ITCH: variants seen among roughly 807,000 people sequenced by gnomAD.
The protein encoded by ITCH is E3 ubiquitin-protein ligase Itchy homolog.
ITCH carries 28 observed loss-of-function variants against 126.8 expected under a neutral mutation model. That is an observed-to-expected ratio of 0.22 (90% CI 0.16 to 0.30). ITCH has a LOEUF of 0.30. ITCH is among the 10% of genes least tolerant of loss of function. ITCH has a pLI of 1.00. For missense variants in ITCH, 631 were observed against 1,032.4 expected, an observed-to-expected ratio of 0.61 and a Z score of 5.33; for synonymous variants, 342 against 340.0, an observed-to-expected ratio of 1.01 and a Z score of -0.06.
At chr20:34,413,492 A>G (rs975394414) in intron 5 of ITCH, among the ~76,000 whole-genome samples, 9 of 152,214 alleles carry the variant, frequency 5.9e-5, no homozygotes, top group Non-Finnish European at 8.8e-5. Flanking sequence ...TGGAATGAAC[A>G]TAATAAACGA....
intron 20 of ITCH, among the ~76,000 whole-genome samples, chr20:34,485,855 TG>T (rs1413193395): frequency 3.3e-5 from 5 of 152,148 alleles, no homozygotes; most frequent in African/African-American, 1.2e-4. Context: ...GCAAATTTTT[TG>T]GTTGTTTTTA....
intron 2 of ITCH, among the ~76,000 whole-genome samples, chr20:34,391,893 ATTAATG>A (rs2038502765): frequency 1.3e-5 from 2 of 152,042 alleles, no homozygotes; most frequent in East Asian, 1.9e-4. Flanking sequence ...CAACTTTGTA[ATTAATG>A]TTAATTTATA....
intron 2 of ITCH, among the ~76,000 whole-genome samples, chr20:34,383,383 T>C (rs1382566284): frequency 8.4e-6 from 1 of 119,454 alleles, no homozygotes; most frequent in Admixed American, 9.1e-5. Flanking sequence ...TTTTTTTTTT[T>C]GAGACAGAGT....
rs575491463 is a variant in ITCH at position 34,474,676 on chromosome 20, G to A, written c.1570-3096G>A. Among the ~76,000 whole-genome samples the A allele has an allele frequency of 7.2e-5, 11 of 152,310 alleles. No homozygotes were observed. The South Asian group carries it at 2.1e-3, about 29-fold the overall frequency. ...CATGGCCCGTTCTCAATGAGCTGTT[G>A]GGTACACCTCCCAGACGGGGTGGTG... On this transcript the variant is annotated intron_variant, in intron 16 of 24. Transcript: ENST00000374864.
At chr20:34,449,604 G>GT (rs978753928) in intron 12 of ITCH, 124 bp downstream of exon 12, 467 of 681,366 alleles carry the variant, frequency 6.9e-4, no homozygotes, top group Admixed American at 9.4e-4. Context: ...TGTCTGGGAA[G>GT]TTTTTTTTTA....
Position 34,509,900 on chromosome 20 carries a change from T to C in ITCH, c.*2106T>C, listed in dbSNP as rs1978583881. The C allele has an allele frequency of 6.0e-5, 8 of 133,352 alleles. No individual in the cohort carries two copies. The highest frequency in any genetic ancestry group is 5.8e-4 in the Admixed American group (8 of 13,742). 8.3% of individuals were successfully genotyped at this position (133,352 alleles called of 1,614,324 possible). On this transcript the variant is annotated 3_prime_UTR_variant, in exon 25 of 25. Transcript: ENST00000374864. Reference sequence around the variant, plus strand: ...TTTATGAAATTAAATTAAGAGATAATGTAAGAAAATACATTTTTTTGGTTC... The same window carrying C: ...TTTATGAAATTAAATTAAGAGATAACGTAAGAAAATACATTTTTTTGGTTC...
chr20:34,477,322 G>A (rs1277544299), intron 16 of ITCH, among the ~76,000 whole-genome samples: 5 of 152,180 alleles, frequency 3.3e-5, no homozygotes, highest in South Asian at 2.1e-4. Context: ...CCTGAGGTCA[G>A]GAGTTTGAGA....
chr20:34,475,479 C>A (rs1224710509), intron 16 of ITCH, among the ~76,000 whole-genome samples: 1 of 152,170 alleles, frequency 6.6e-6, no homozygotes, highest in Non-Finnish European at 1.5e-5. Context: ...ACATCGAAAT[C>A]CCGTCTCCAC....
intron 16 of ITCH, among the ~76,000 whole-genome samples, chr20:34,477,291 G>A (rs527348881): frequency 2.0e-5 from 3 of 152,328 alleles, no homozygotes; most frequent in South Asian, 2.1e-4. Context: ...AGCACTTTGG[G>A]AGGCCAAGGC....
At chr20:34,408,409 C>G (rs1184831549) in intron 3 of ITCH, among the ~76,000 whole-genome samples, 1 of 152,086 alleles carries the variant, frequency 6.6e-6, no homozygotes, top group African/African-American at 2.4e-5. Flanking sequence ...GAGTTCTGGA[C>G]TTTTGATACC....
chr20:34,489,473 T>G, intron 21 of ITCH, 87 bp downstream of exon 21: 1 of 1,290,078 alleles, frequency 7.8e-7, no homozygotes, highest in Non-Finnish European at 1.1e-6. Context: ...CCATCTTTCC[T>G]GTTACTGTAA....
intron 12 of ITCH, among the ~76,000 whole-genome samples, chr20:34,453,823 G>A (rs1417375422): frequency 6.6e-6 from 1 of 151,898 alleles, no homozygotes; most frequent in African/African-American, 2.4e-5. Flanking sequence ...GTGAAATGCT[G>A]TCTCCACAAA....
intron 9 of ITCH, among the ~76,000 whole-genome samples, 173 bp downstream of exon 9, chr20:34,440,517 T>C (rs1983612726): frequency 6.6e-6 from 1 of 152,074 alleles, no homozygotes; most frequent in Admixed American, 6.6e-5. Flanking sequence ...AGTGCAGTGG[T>C]GTGATCTTGG....
intron 14 of ITCH, among the ~76,000 whole-genome samples, chr20:34,468,314 G>C (rs897690467): frequency 6.6e-6 from 1 of 151,520 alleles, no homozygotes; most frequent in South Asian, 2.1e-4. Flanking sequence ...GATTACAGGC[G>C]TGAGCTGCTG....
chr20:34,472,418 G>T (rs1170739781), intron 16 of ITCH, among the ~76,000 whole-genome samples: 1 of 147,758 alleles, frequency 6.8e-6, no homozygotes, highest in Non-Finnish European at 1.5e-5. Flanking sequence ...TCTACTATTC[G>T]CCTTTATCTT....
At chr20:34,415,816 A>C (rs953882473) in intron 6 of ITCH, among the ~76,000 whole-genome samples, 1 of 152,182 alleles carries the variant, frequency 6.6e-6, no homozygotes, top group Non-Finnish European at 1.5e-5. Context: ...AGATGAAACT[A>C]TTACTAATGT....
chr20:34,431,757 T>A (rs1158863584), intron 7 of ITCH, among the ~76,000 whole-genome samples: 1 of 152,108 alleles, frequency 6.6e-6, no homozygotes, highest in Non-Finnish European at 1.5e-5. Context: ...ATGGGACATT[T>A]GGCCGGTGGC....
In ITCH at chr20:34,422,030, A is replaced by G. The variant is rs568253192; in HGVS notation, c.476-2450A>G. Among the ~76,000 whole-genome samples, 10 of 152,282 alleles carry G rather than the reference A, an allele frequency of 6.6e-5. No individual in the cohort carries two copies. The South Asian group carries it at 8.3e-4, about 13-fold the overall frequency. ...GACCCTTTGTCAAGAAAAAATATGT[A>G]TATTGAAAAATGGCCCTTGTTTAGA... On this transcript the variant is annotated intron_variant, in intron 6 of 24. Transcript: ENST00000374864.
In ITCH at chr20:34,395,094, G is replaced by A. The variant is rs984366123; in HGVS notation, c.70+1213G>A. Among the ~76,000 whole-genome samples the A allele has an allele frequency of 1.1e-4, 16 of 151,950 alleles. No individual in the cohort carries two copies. The East Asian group carries it at 1.9e-3, about 18-fold the overall frequency. On this transcript the variant is annotated intron_variant, in intron 3 of 24. Transcript: ENST00000374864. ...TAAAAATAAAAAAAATTAGCTGTGC[G>A]TGGCGGTGCACACCTGTAATCCCAG...
Sources: gnomAD v4.1 joint callset for allele counts (sites outside exome capture counted in the v4.1 genomes callset) on GRCh38, gnomAD v4.1.1 for gene constraint, MANE v1.5 for transcripts, NCBI Gene and HGNC (gene_info 2026-07-23, HGNC 2026-07-21) for gene names.